UBE2E3: variants seen among roughly 807,000 people sequenced by gnomAD.
The protein encoded by UBE2E3 is ubiquitin conjugating enzyme E2 E3.
Under a neutral mutation model 23.6 loss-of-function variants are expected in UBE2E3, and 5 were observed. The ratio of observed to expected loss-of-function variants is 0.21; its 90% CI spans 0.11 to 0.44. The LOEUF is 0.44. Ranked by LOEUF, UBE2E3 falls within the 20% of genes least tolerant of loss-of-function variation. The probability of loss-of-function intolerance (pLI) is 0.99; values close to 1 mark genes in which losing one functional copy is unlikely to be tolerated. For synonymous variants in UBE2E3, 78 were observed against 87.5 expected (o/e 0.89, Z 0.60); for missense variants, 81 against 249.8 (o/e 0.32, Z 4.55).
chr2:181,024,447 T>A (rs891688417), intron 3 of UBE2E3, among the ~76,000 whole-genome samples: 1 of 152,128 alleles, frequency 6.6e-6, no homozygotes, highest in Non-Finnish European at 1.5e-5. Flanking sequence ...CCAGTCATCA[T>A]GGAGTAAACA....
chr2:180,991,028 A>C lies in UBE2E3; in HGVS notation c.245+6935A>C, dbSNP rs543279147. ...TGTTTCTCGACATTACTGTTTCCAC[A>C]CCAAAAATGTATTAATATTCATACA... is the stretch of plus-strand genomic sequence containing the variant. On this transcript the variant is annotated intron_variant, in intron 3 of 5. Transcript: ENST00000410062. Among the ~76,000 whole-genome samples the C allele has an allele frequency of 5.9e-5, 9 of 152,266 alleles. No individual in the cohort carries two copies. The South Asian group carries it at 1.9e-3, about 32-fold the overall frequency.
chr2:181,044,476 T>C (rs557647498), intron 3 of UBE2E3, among the ~76,000 whole-genome samples: 1 of 152,124 alleles, frequency 6.6e-6, no homozygotes, highest in Non-Finnish European at 1.5e-5. Flanking sequence ...GAATCTTTAG[T>C]GGCAATAGAG....
chr2:180,988,916 G>T (rs899946249), intron 3 of UBE2E3, among the ~76,000 whole-genome samples: 6 of 151,972 alleles, frequency 3.9e-5, no homozygotes, highest in African/African-American at 1.4e-4. Flanking sequence ...CAAAAAAAAA[G>T]GTCCTGGAAC....
At chr2:181,030,938 G>A (rs1011511232) in intron 3 of UBE2E3, among the ~76,000 whole-genome samples, 1 of 151,986 alleles carries the variant, frequency 6.6e-6, no homozygotes, top group Non-Finnish European at 1.5e-5. Flanking sequence ...ACACTATTTT[G>A]TGTTTGTGTT....
intron 3 of UBE2E3, among the ~76,000 whole-genome samples, chr2:181,026,261 A>G (rs993315556): frequency 6.6e-6 from 1 of 152,104 alleles, no homozygotes; most frequent in South Asian, 2.1e-4. Flanking sequence ...GTTGTTTAGT[A>G]TAGCAAATAT....
At chr2:180,994,192 T>C (rs1460948487) in intron 3 of UBE2E3, among the ~76,000 whole-genome samples, 1 of 152,194 alleles carries the variant, frequency 6.6e-6, no homozygotes, top group East Asian at 1.9e-4. Context: ...CAAATACTCA[T>C]TTTCTTCTTT....
chr2:180,987,474 G>T, intron 3 of UBE2E3: 3 of 1,466,720 alleles, frequency 2.0e-6, no homozygotes, highest in Admixed American at 4.0e-5. Context: ...TTTTAAGAGT[G>T]TATGTTCAGA....
chr2:180,993,086 T>A (rs1365162177), intron 3 of UBE2E3, among the ~76,000 whole-genome samples: 1 of 152,232 alleles, frequency 6.6e-6, no homozygotes, highest in Non-Finnish European at 1.5e-5. Context: ...GATTTTTATC[T>A]CTGTTGACAT....
At chr2:181,035,239 A>C (rs1385022570) in intron 3 of UBE2E3, among the ~76,000 whole-genome samples, 2 of 152,200 alleles carry the variant, frequency 1.3e-5, no homozygotes, top group Non-Finnish European at 2.9e-5. Flanking sequence ...CACCTATTAT[A>C]CTATGATTTG....
intron 3 of UBE2E3, among the ~76,000 whole-genome samples, chr2:181,030,539 C>A (rs1191229478): frequency 6.6e-6 from 1 of 151,802 alleles, no homozygotes; most frequent in Non-Finnish European, 1.5e-5. Flanking sequence ...TTCTTTTTTT[C>A]TTACACCTAA....
chr2:181,033,027 A>G (rs1375130307), intron 3 of UBE2E3, among the ~76,000 whole-genome samples: 1 of 152,234 alleles, frequency 6.6e-6, no homozygotes, highest in Non-Finnish European at 1.5e-5. Flanking sequence ...ACGAAATAAA[A>G]GAGGACACAA....
At chr2:181,009,072 TC>T (rs1445433569) in intron 3 of UBE2E3, among the ~76,000 whole-genome samples, 1 of 152,158 alleles carries the variant, frequency 6.6e-6, no homozygotes, top group African/African-American at 2.4e-5. Flanking sequence ...TTGTATAAAA[TC>T]GTTAAAAGGT....
At chr2:181,049,335 C>G (rs1333352012) in intron 3 of UBE2E3, among the ~76,000 whole-genome samples, 3 of 152,006 alleles carry the variant, frequency 2.0e-5, no homozygotes, top group Non-Finnish European at 2.9e-5. Flanking sequence ...TCCTGGCATC[C>G]CAGTGCCTGG....
intron 2 of UBE2E3, among the ~76,000 whole-genome samples, chr2:180,983,052 T>C (rs761240747): frequency 3.3e-5 from 5 of 152,212 alleles, no homozygotes; most frequent in Admixed American, 6.5e-5. Context: ...CTCTTATCAG[T>C]GGTAGTAGTA....
chr2:180,993,429 A>G (rs1684729943), intron 3 of UBE2E3, among the ~76,000 whole-genome samples: 1 of 152,196 alleles, frequency 6.6e-6, no homozygotes, highest in African/African-American at 2.4e-5. Context: ...CATTCTGTTT[A>G]ACTTCCAGCT....
intron 3 of UBE2E3, among the ~76,000 whole-genome samples, chr2:181,055,928 G>C (rs1294663274): frequency 6.6e-6 from 1 of 151,600 alleles, no homozygotes; most frequent in Non-Finnish European, 1.5e-5. Flanking sequence ...GGTGTGTTAA[G>C]CGCAGTGCAC....
At chr2:181,042,149 T>G (rs1686530966) in intron 3 of UBE2E3, among the ~76,000 whole-genome samples, 1 of 152,244 alleles carries the variant, frequency 6.6e-6, no homozygotes, top group African/African-American at 2.4e-5. Flanking sequence ...ATCTCTTAAG[T>G]CTACCCTATC....
At chr2:181,031,745 A>G (rs1004855944) in intron 3 of UBE2E3, among the ~76,000 whole-genome samples, 4 of 152,072 alleles carry the variant, frequency 2.6e-5, no homozygotes, top group African/African-American at 9.7e-5. Context: ...TGGAGGCTAT[A>G]CACTATTTCT....
intron 4 of UBE2E3, among the ~76,000 whole-genome samples, chr2:181,058,590 G>T (rs1687048475): frequency 1.3e-5 from 2 of 151,780 alleles, no homozygotes; most frequent in Non-Finnish European, 3.0e-5. Flanking sequence ...ACATAGCAGG[G>T]GAAAGTGTAT....
Sources: allele counts gnomAD v4.1 joint callset (sites outside exome capture counted in the v4.1 genomes callset), GRCh38; gene constraint gnomAD v4.1.1; transcripts MANE v1.5; gene names NCBI Gene and HGNC (gene_info 2026-07-23, HGNC 2026-07-21).